The following SGSM1 variants were observed in gnomAD, a reference collection of about 807,000 sequenced individuals.
The protein encoded by SGSM1 is RUN and TBC1 domain containing 2.
A neutral mutation model predicts 133.8 loss-of-function variants in SGSM1; 73 were observed. The ratio of observed to expected loss-of-function variants is 0.55; its 90% confidence interval spans 0.45 to 0.66. SGSM1 has a LOEUF of 0.66. SGSM1 is among the 30% of genes least tolerant of loss of function. The pLI, the probability that SGSM1 is intolerant of heterozygous loss-of-function variation, is 0.00. For synonymous variants in SGSM1, 563 were observed against 573.0 expected, an observed-to-expected ratio of 0.98 and a Z score of 0.25; for missense variants, 1,213 against 1,448.1, an observed-to-expected ratio of 0.84 and a Z score of 2.64.
chr22:24,847,900 T>C, intron 4 of SGSM1, 104 bp downstream of exon 4: 2 of 1,420,382 alleles, frequency 1.4e-6, no homozygotes, highest in South Asian at 2.9e-5. Context: ...CTTTTCAGTC[T>C]CCATCCTGCT....
At chr22:24,881,703 ATCC>A (rs1239196749) in intron 14 of SGSM1, among the ~76,000 whole-genome samples, 1 of 152,144 alleles carries the variant, frequency 6.6e-6, no homozygotes, top group Non-Finnish European at 1.5e-5. Context: ...CATCATCATC[ATCC>A]TCCTCCTCCT....
chr22:24,876,830 C>G, intron 13 of SGSM1, 115 bp downstream of exon 13: 1 of 1,353,050 alleles, frequency 7.4e-7, no homozygotes, highest in Non-Finnish European at 1.0e-6. Context: ...CGGACTCAGG[C>G]AGATATAGGT....
At chr22:24,810,173 G>T (rs1202909920) in intron 2 of SGSM1, among the ~76,000 whole-genome samples, 2 of 152,176 alleles carry the variant, frequency 1.3e-5, no homozygotes, top group Non-Finnish European at 2.9e-5. Context: ...TGATGGAGCT[G>T]AAATTGCTGG....
At chr22:24,890,049 T>TGCC (rs1932783981) in intron 16 of SGSM1, among the ~76,000 whole-genome samples, 1 of 148,662 alleles carries the variant, frequency 6.7e-6, no homozygotes, top group African/African-American at 2.5e-5. Flanking sequence ...CTCTGCCTGC[T>TGCC]GGGTTCACGC....
intron 12 of SGSM1, among the ~76,000 whole-genome samples, 180 bp downstream of exon 12, chr22:24,869,035 C>T (rs1051714740): frequency 6.6e-6 from 1 of 152,164 alleles, no homozygotes; most frequent in African/African-American, 2.4e-5. Context: ...AATAACCACC[C>T]TCTACTTGTC....
chr22:24,850,548 T>C (rs1030023761), intron 5 of SGSM1, 116 bp downstream of exon 5: 24 of 1,387,898 alleles, frequency 1.7e-5, no homozygotes, highest in African/African-American at 1.0e-4. Flanking sequence ...GCCACTAAAT[T>C]TGAAAGTGAT....
At chr22:24,839,106 A>G (rs1272404676) in intron 2 of SGSM1, among the ~76,000 whole-genome samples, 1 of 152,118 alleles carries the variant, frequency 6.6e-6, no homozygotes, top group Non-Finnish European at 1.5e-5. Flanking sequence ...TCCAAGCTGG[A>G]GTGCAGTAGT....
intron 22 of SGSM1, among the ~76,000 whole-genome samples, chr22:24,913,413 A>G (rs188746633): frequency 6.6e-6 from 1 of 152,236 alleles, no homozygotes; most frequent in Admixed American, 6.5e-5. Flanking sequence ...TCTCCAGGTA[A>G]TTCTGGTGCA....
At chr22:24,910,356 C>G (rs1933573023) in intron 21 of SGSM1, among the ~76,000 whole-genome samples, 5 of 151,996 alleles carry the variant, frequency 3.3e-5, no homozygotes, top group Admixed American at 3.3e-4. Context: ...CTCAATAAAC[C>G]TGTTAAAAAA....
chr22:24,918,541 G>A lies in SGSM1; in HGVS notation c.3025+787G>A, dbSNP rs140193760. ...CATGTATGGAGTGTTTTAGTGCCAC[G>A]CACTGTGCTGAGTCATTTGTATGTA... On this transcript the variant is annotated intron_variant, in intron 23 of 24. Coordinates refer to ENST00000400358, the MANE Select transcript of SGSM1 (RefSeq NM_001098497.3). 1.9e-3 allele frequency among the ~76,000 whole-genome samples: 286 copies of A among 150,742 alleles called. 2 individuals are homozygous for A. Among genetic ancestry groups the A allele is most frequent in the African/African-American group, 6.5e-3 (268 of 41,072 alleles).
At position 24,833,337 on chromosome 22, in the gene SGSM1, C is replaced by T. The variant is rs554184032; in HGVS notation, c.64-11560C>T. ...TCTGTCAAGATCTAATCTCCAAAGA[C>T]AGCACATTCTGAGATAGTAGTGTTA... On this transcript the variant is annotated intron_variant, in intron 2 of 24. Transcript: ENST00000400358. Among the ~76,000 whole-genome samples the T allele has an allele frequency of 1.2e-4, 18 of 152,228 alleles. No individual in the cohort carries two copies. In the East Asian group the frequency reaches 2.1e-3, roughly 18 times the overall value.
At position 24,927,267 on chromosome 22, in the gene SGSM1, CAGCAGGCT is replaced by C. The variant is rs895916944; in HGVS notation, c.*2997_*3004del. On this transcript the variant is annotated 3_prime_UTR_variant, in exon 25 of 25. Transcript: ENST00000400358. ...ACTGGATTCCGTATCTTGCATCCTC[CAGCAGGCT>C]AGCTTAGGCTTGTTTACATGGCTAT... 2.0e-5 allele frequency: 3 copies of C among 152,218 alleles called. No homozygotes were observed. Among genetic ancestry groups the C allele is most frequent in the African/African-American group, 7.2e-5 (3 of 41,440 alleles). 9.4% of individuals were successfully genotyped at this position (152,218 alleles called of 1,614,324 possible).
intron 2 of SGSM1, among the ~76,000 whole-genome samples, chr22:24,816,869 G>C (rs1437803568): frequency 6.6e-6 from 1 of 152,124 alleles, no homozygotes; most frequent in African/African-American, 2.4e-5. Flanking sequence ...CTGCCAGCTT[G>C]GCATTTCTGC....
intron 22 of SGSM1, among the ~76,000 whole-genome samples, chr22:24,916,902 A>AGGGTCTCACTCTGTCACCCAGGCT (rs1309451918): frequency 3.3e-5 from 5 of 151,956 alleles, no homozygotes; most frequent in Non-Finnish European, 5.9e-5. Flanking sequence ...TTTTTTAGAT[A>AGGGTCTCACTCTGTCACCCAGGCT]GGGTCTCACT....
At chr22:24,849,535 A>G (rs1202846293) in intron 4 of SGSM1, among the ~76,000 whole-genome samples, 6 of 152,228 alleles carry the variant, frequency 3.9e-5, no homozygotes, top group Non-Finnish European at 8.8e-5. Flanking sequence ...CTGGGCAACA[A>G]GAGTGAAACT....
intron 18 of SGSM1, among the ~76,000 whole-genome samples, chr22:24,895,901 C>T (rs1409951164): frequency 6.6e-6 from 1 of 152,018 alleles, no homozygotes; most frequent in African/African-American, 2.4e-5. Flanking sequence ...CGAAAAAAAT[C>T]AGTTGGGCAT....
chr22:24,835,031 A>G (rs748139631), intron 2 of SGSM1, among the ~76,000 whole-genome samples: 2 of 151,988 alleles, frequency 1.3e-5, no homozygotes, highest in African/African-American at 2.4e-5. Flanking sequence ...CAACCTGCCT[A>G]TTGCCTCCTC....
At chr22:24,877,224 C>A (rs1932067995) in intron 13 of SGSM1, among the ~76,000 whole-genome samples, 1 of 152,126 alleles carries the variant, frequency 6.6e-6, no homozygotes, top group South Asian at 2.1e-4. Context: ...GCAAAATAAT[C>A]CCAGAAATAT....
chr22:24,897,186 C>G (rs1231223101), intron 18 of SGSM1, among the ~76,000 whole-genome samples: 1 of 151,940 alleles, frequency 6.6e-6, no homozygotes, highest in African/African-American at 2.4e-5. Context: ...TCGAGACCAG[C>G]CTGGCCAACA....
Sources: allele counts gnomAD v4.1 joint callset (sites outside exome capture counted in the v4.1 genomes callset), GRCh38; gene constraint gnomAD v4.1.1; transcripts MANE v1.5; gene names NCBI Gene and HGNC (gene_info 2026-07-23, HGNC 2026-07-21).